The following RNF181 variants were observed in gnomAD, a reference collection of about 807,000 sequenced individuals.
RNF181 encodes the protein E3 ubiquitin-protein ligase RNF181.
RNF181 carries 25 observed loss-of-function variants against 23.3 expected under a neutral mutation model. The ratio of observed to expected loss-of-function variants is 1.07; its 90% CI spans 0.78 to 1.50. RNF181 has a LOEUF of 1.50. Ranked by LOEUF, RNF181 falls within the 40% of genes most tolerant of loss-of-function variation. The pLI is 0.00. For synonymous variants in RNF181, 62 were observed against 70.9 expected, an observed-to-expected ratio of 0.87 and a Z score of 0.63; for missense variants, 167 against 191.1, an observed-to-expected ratio of 0.87 and a Z score of 0.74.
chr2:85,597,263 C>A, intron 4 of RNF181, 85 bp downstream of exon 4: 1 of 1,390,002 alleles, frequency 7.2e-7, no homozygotes, highest in Non-Finnish European at 9.9e-7. Context: ...CTCAGCAGGA[C>A]TGGGTAGGCC....
chr2:85,596,118 G>T (rs1201761492), intron 1 of RNF181, among the ~76,000 whole-genome samples: 1 of 152,074 alleles, frequency 6.6e-6, no homozygotes. Context: ...GCAGGCTCTG[G>T]GAGGTCTCAG....
chr2:85,595,790 C>T lies in RNF181; in HGVS notation c.27C>T (p.Asp9=), dbSNP rs761713485. 1.2e-6 allele frequency: 2 copies of T among 1,614,020 alleles called. No homozygotes were observed. The highest frequency in any genetic ancestry group is 1.7e-6 in the Non-Finnish European group (2 of 1,180,008). Reference sequence around the variant, plus strand: ...TGGCGTCCTATTTCGATGAACACGACTGCGAGCCGTCGGACCCTGAGCAGG... The same window carrying T: ...TGGCGTCCTATTTCGATGAACACGATTGCGAGCCGTCGGACCCTGAGCAGG... MASYFDEH[D]CEPSDPEQET... is the part of the protein sequence containing the mutation. The change falls in exon 1 of 5, where the codon GAC becomes GAT. Residue 9 remains aspartate, a synonymous_variant. Transcript: ENST00000306368.
intron 1 of RNF181, among the ~76,000 whole-genome samples, chr2:85,596,214 A>G (rs1672669491): frequency 6.6e-6 from 1 of 151,968 alleles, no homozygotes; most frequent in Non-Finnish European, 1.5e-5. Flanking sequence ...CTGTTACTGG[A>G]CCTGGAATCT....
chr2:85,595,857 C>A lies in RNF181; in HGVS notation c.86+8C>A. The A allele has an allele frequency of 6.2e-7, 1 of 1,612,864 alleles. No homozygotes were observed. On this transcript the variant is annotated splice_region_variant and intron_variant, in intron 1 of 4. Transcript: ENST00000306368. ...GCTGCTGGAGCTCGCAAGGTGGGTG[C>A]GCGGGGCTTGGGGATAGGGTCCAAC...
rs770096422 is a variant in RNF181 at position 85,597,096 on chromosome 2, T to C, written c.328-8T>C. On this transcript the variant is annotated splice_polypyrimidine_tract_variant and splice_region_variant and intron_variant, in intron 3 of 4. Coordinates refer to ENST00000306368, the MANE Select transcript of RNF181 (RefSeq NM_016494.4). ...ACCAAGGCTAGAACACTACTCTACTTTTCTCAGACAAATTCCTGTCCCTTG... is the reference window on the plus strand; with the variant it reads ...ACCAAGGCTAGAACACTACTCTACTCTTCTCAGACAAATTCCTGTCCCTTG... 1.2e-6 allele frequency: 2 copies of C among 1,614,094 alleles called. No homozygotes were observed. Among genetic ancestry groups the C allele is most frequent in the Non-Finnish European group, 1.7e-6 (2 of 1,180,008 alleles).
chr2:85,595,965 G>A, intron 1 of RNF181, 116 bp downstream of exon 1: 2 of 885,848 alleles, frequency 2.3e-6, no homozygotes. Flanking sequence ...TGAGTAATCT[G>A]GAGTGTTAGT....
chr2:85,596,611 A>C lies in RNF181; in HGVS notation c.179A>C (p.Glu60Ala). 1.2e-6 allele frequency: 2 copies of C among 1,614,122 alleles called. No homozygotes were observed. Among genetic ancestry groups the C allele is most frequent in the South Asian group, 2.2e-5 (2 of 91,084 alleles). Residue 60 changes from glutamate to alanine, a missense_variant, in exon 2 of 5, where the codon GAG becomes GCG. Transcript: ENST00000306368. ...LPPPAAKTVVENLPRTVIRGS... is the reference protein window; with the variant it reads ...LPPPAAKTVVANLPRTVIRGS... ...CCACCAGCTGCCAAGACTGTGGTTG[A>C]GAACCTCCCCAGGACAGTCATCAGA... is the stretch of plus-strand genomic sequence containing the variant.
chr2:85,596,645 G>A lies in RNF181; in HGVS notation c.213G>A (p.Gln71=). 2 of 1,613,612 alleles carry A rather than the reference G, an allele frequency of 1.2e-6. No individual in the cohort carries two copies. Among genetic ancestry groups the A allele is most frequent in the Non-Finnish European group, 8.5e-7 (1 of 1,179,566 alleles). Reference sequence around the variant, plus strand: ...CCAGGACAGTCATCAGAGGCTCTCAGGCTGGTGAGGACACTGATTCTTTCT... The same window carrying A: ...CCAGGACAGTCATCAGAGGCTCTCAAGCTGGTGAGGACACTGATTCTTTCT... ...NLPRTVIRGS[Q]AELKCPVCLL... is the part of the protein sequence containing the mutation. The change falls in exon 2 of 5, where the codon CAG becomes CAA. Residue 71 remains glutamine, a synonymous_variant. Coordinates refer to ENST00000306368, the MANE Select transcript of RNF181 (RefSeq NM_016494.4).
At position 85,597,148 on chromosome 2, in the gene RNF181, C is replaced by T. The variant is rs888307292; in HGVS notation, c.372C>T (p.Asp124=). Residue 124 remains aspartate, a synonymous_variant, in exon 4 of 5, where the codon GAC becomes GAT. Coordinates refer to ENST00000306368, the MANE Select transcript of RNF181 (RefSeq NM_016494.4). ...PLCRYELPTD[D]DTYEEHRRDK... ...GCCGCTATGAGCTGCCCACTGATGACGACACTTATGAGGAGCACAGACGAG... is the reference window on the plus strand; with the variant it reads ...GCCGCTATGAGCTGCCCACTGATGATGACACTTATGAGGAGCACAGACGAG... 31 of 1,613,878 alleles carry T rather than the reference C, an allele frequency of 1.9e-5. No homozygotes were observed. The highest frequency in any genetic ancestry group is 9.3e-5 in the African/African-American group (7 of 74,910).
At position 85,596,867 on chromosome 2, in the gene RNF181, C is replaced by A; in HGVS notation, c.263C>A (p.Thr88Asn). 6 of 1,614,228 alleles carry A rather than the reference C, an allele frequency of 3.7e-6. No homozygotes were observed. Among genetic ancestry groups the A allele is most frequent in the Non-Finnish European group, 5.1e-6 (6 of 1,180,044 alleles). The change falls in exon 3 of 5, where the codon ACT (threonine) becomes AAT (asparagine). Residue 88 changes from threonine (T) to asparagine (N), a missense_variant. Transcript: ENST00000306368. ...CTTTTGGAATTTGAGGAGGAGGAGA[C>A]TGCCATTGAGATGCCTTGCCATCAC... ...VCLLEFEEEE[T>N]AIEMPCHHLF...
chr2:85,596,507 C>G lies in RNF181; in HGVS notation c.87-12C>G. ...GTTTTCCTTTGTTCTGACTTTACAT[C>G]CCCTTCCCCAGGTCACTTTTCAATA... On this transcript the variant is annotated splice_polypyrimidine_tract_variant and intron_variant, in intron 1 of 4. Transcript: ENST00000306368. 6.3e-7 allele frequency: 1 copy of G among 1,587,686 alleles called. No individual in the cohort carries two copies. Among genetic ancestry groups the G allele is most frequent in the East Asian group, 2.2e-5 (1 of 44,612 alleles).
At position 85,596,939 on chromosome 2, in the gene RNF181, T is replaced by A. The variant is rs1189047894; in HGVS notation, c.327+8T>A. The A allele has an allele frequency of 6.2e-7, 1 of 1,614,084 alleles. No homozygotes were observed. The highest frequency in any genetic ancestry group is 8.5e-7 in the Non-Finnish European group (1 of 1,180,034). On this transcript the variant is annotated splice_region_variant and intron_variant, in intron 3 of 4. Transcript: ENST00000306368. ...CTGCCCTGGCTAAGCAAGGTACTGC[T>A]TCTCTTCTTCTAGCTCTCACCGTGC...
intron 4 of RNF181, 59 bp from the exon 5 acceptor site, chr2:85,597,386 T>C: frequency 6.5e-7 from 1 of 1,545,766 alleles, no homozygotes. Flanking sequence ...TAGCTGCCCA[T>C]CCCCTCACCC....
intron 1 of RNF181, 89 bp from the exon 2 acceptor site, chr2:85,596,427 CTGG>C: frequency 7.5e-7 from 1 of 1,328,062 alleles, no homozygotes; most frequent in Non-Finnish European, 1.0e-6. Context: ...TTCCTACTAG[CTGG>C]GCAGCGTGTT....
rs1314618487 is a variant in RNF181 at position 85,596,836 on chromosome 2, G to A, written c.232G>A (p.Val78Met). The A allele has an allele frequency of 1.9e-6, 3 of 1,614,206 alleles. No individual in the cohort carries two copies. The highest frequency in any genetic ancestry group is 1.7e-5 in the Admixed American group (1 of 60,026). ...CCTTCCTAAAGAGCTCAAGTGCCCC[G>A]TGTGTCTTTTGGAATTTGAGGAGGA... ...RGSQAELKCPVCLLEFEEEET... is the reference protein window; with the variant it reads ...RGSQAELKCPMCLLEFEEEET... The change falls in exon 3 of 5, where the codon GTG (valine) becomes ATG (methionine). Residue 78 changes from valine (V) to methionine (M), a missense_variant. Coordinates refer to ENST00000306368, the MANE Select transcript of RNF181 (RefSeq NM_016494.4).
Position 85,596,898 on chromosome 2 carries a change from C to T in RNF181, c.294C>T (p.Phe98=). 6.2e-7 allele frequency: 1 copy of T among 1,614,224 alleles called. No homozygotes were observed. Among genetic ancestry groups the T allele is most frequent in the Non-Finnish European group, 8.5e-7 (1 of 1,180,050 alleles). The part of the protein sequence containing the change: ...TAIEMPCHHL[F]HSSCILPWLS... ...TTGAGATGCCTTGCCATCACCTTTT[C>T]CATTCCAGCTGCATTCTGCCCTGGC... is the stretch of plus-strand genomic sequence containing the variant. Residue 98 remains phenylalanine, a synonymous_variant, in exon 3 of 5, where the codon TTC becomes TTT. Transcript: ENST00000306368.
intron 1 of RNF181, 124 bp downstream of exon 1, chr2:85,595,973 A>G: frequency 1.2e-6 from 1 of 836,092 alleles, no homozygotes. Flanking sequence ...CTGGAGTGTT[A>G]GTACGGGCGG....
chr2:85,596,980 C>A, intron 3 of RNF181, 49 bp downstream of exon 3: 1 of 1,614,046 alleles, frequency 6.2e-7, no homozygotes, highest in Non-Finnish European at 8.5e-7. Context: ...GCCCAGTACT[C>A]AAGCTTCTTT....
chr2:85,596,640 T>C lies in RNF181; in HGVS notation c.208T>C (p.Ser70Pro), dbSNP rs1163543205. 1 of 1,613,658 alleles carries C rather than the reference T, an allele frequency of 6.2e-7. No homozygotes were observed. Among genetic ancestry groups the C allele is most frequent in the East Asian group, 2.2e-5 (1 of 44,872 alleles). ...CCTCCCCAGGACAGTCATCAGAGGC[T>C]CTCAGGCTGGTGAGGACACTGATTC... ...ENLPRTVIRG[S>P]QAELKCPVCL... The change falls in exon 2 of 5, where the codon TCT becomes CCT. Residue 70 changes from serine to proline, a missense_variant. Transcript: ENST00000306368.
Sources: gnomAD v4.1 joint callset for allele counts (sites outside exome capture counted in the v4.1 genomes callset) on GRCh38, gnomAD v4.1.1 for gene constraint, MANE v1.5 for transcripts, NCBI Gene and HGNC (gene_info 2026-07-23, HGNC 2026-07-21) for gene names.